TTLL5: variants seen among roughly 807,000 people sequenced by gnomAD.
The protein encoded by TTLL5 is tubulin tyrosine ligase like 5, also known as tubulin polyglutamylase TTLL5.
In TTLL5, 132 loss-of-function variants were observed where a neutral mutation model predicts 168.4. The observed-to-expected ratio is 0.78, with a 90% confidence interval of 0.68 to 0.91. TTLL5 has a LOEUF of 0.91. Ranked by LOEUF, TTLL5 falls within the 40% of genes least tolerant of loss-of-function variation. The probability of loss-of-function intolerance (pLI) is 0.00; values close to 1 mark genes in which losing one functional copy is unlikely to be tolerated. For missense variants in TTLL5, 1,545 were observed against 1,581.5 expected (o/e 0.98, Z 0.39); for synonymous variants, 546 against 558.6 (o/e 0.98, Z 0.32).
intron 4 of TTLL5, among the ~76,000 whole-genome samples, chr14:75,683,071 C>T (rs1566813039): frequency 6.6e-6 from 1 of 152,186 alleles, no homozygotes; most frequent in African/African-American, 2.4e-5. Flanking sequence ...CGCACTTGTC[C>T]GTGAGGGAAG....
At position 75,907,812 on chromosome 14, in the gene TTLL5, T is replaced by C. The variant is rs558872219; in HGVS notation, c.3823+5588T>C. 1.1e-4 allele frequency among the ~76,000 whole-genome samples: 17 copies of C among 152,310 alleles called. No individual in the cohort carries two copies. In the East Asian group the frequency reaches 3.1e-3, roughly 28 times the overall value. On this transcript the variant is annotated intron_variant, in intron 31 of 31. Coordinates refer to ENST00000298832, the MANE Select transcript of TTLL5 (RefSeq NM_015072.5). ...CCAATGATGAACAACTAATAAAATA[T>C]AGAAGACTAAAGCAAGAAGGTCAGT...
intron 31 of TTLL5, among the ~76,000 whole-genome samples, chr14:75,947,410 TACA>T (rs2034809506): frequency 6.6e-6 from 1 of 152,206 alleles, no homozygotes; most frequent in African/African-American, 2.4e-5. Context: ...AGAGGGTCAC[TACA>T]TTATGGCTAA....
chr14:75,728,863 T>C (rs537107205), intron 12 of TTLL5, among the ~76,000 whole-genome samples: 1 of 152,152 alleles, frequency 6.6e-6, no homozygotes, highest in South Asian at 2.1e-4. Context: ...AAGAGAGCAG[T>C]GTCCTAGAAC....
In TTLL5 at chr14:75,954,423, G is replaced by C; in HGVS notation, c.3824-1G>C. On this transcript the variant is annotated splice_acceptor_variant, in intron 31 of 31. Transcript: ENST00000298832. LOFTEE classifies it high-confidence loss of function. ...TTCATGGTTGCCTTTCTCTTTTTCA[G>C]ATCCTGCTCACACTAAAATATGAAC... 6.2e-7 allele frequency: 1 copy of C among 1,613,930 alleles called. No homozygotes were observed. The highest frequency in any genetic ancestry group is 8.5e-7 in the Non-Finnish European group (1 of 1,180,000).
chr14:75,893,817 C>CAA lies in TTLL5; in HGVS notation c.3741-8303_3741-8302dup, dbSNP rs61332109. On this transcript the variant is annotated intron_variant, in intron 30 of 31. Transcript: ENST00000298832. ...TGGGCAACAGAGCGAGACTCCATCT[C>CAA]AAAAAAAAAAAAAAAAAAAAAAATA... Among the ~76,000 whole-genome samples, 384 of 71,380 alleles carry CAA rather than the reference C, an allele frequency of 5.4e-3. 1 individual carries two copies. The highest frequency in any genetic ancestry group is 8.3e-3 in the Middle Eastern group (1 of 120). 46.8% of individuals were successfully genotyped at this position (71,380 alleles called of 152,430 possible).
intron 29 of TTLL5, 25 bp from the exon 30 acceptor site, chr14:75,882,660 C>T (rs1435060705): frequency 6.3e-7 from 1 of 1,592,994 alleles, no homozygotes; most frequent in African/African-American, 1.3e-5. Flanking sequence ...GTCCATCGAT[C>T]ATTTTTTTCC....
chr14:75,690,220 CT>C lies in TTLL5; in HGVS notation c.401del (p.Leu134ArgfsTer45), dbSNP rs587777470. The C allele has an allele frequency of 1.9e-6, 3 of 1,613,474 alleles. No homozygotes were observed. The South Asian group carries it at 3.3e-5, about 18-fold the overall frequency. ...RSYELTRKDR[L>X]YKNIIRMQHT... ...TTATGAACTTACCCGGAAGGACCGA[CT>C]GTACAAAAACATTATTCGAATGCAG... On this transcript the variant is annotated frameshift_variant, in exon 6 of 32. Transcript: ENST00000298832. LOFTEE classifies it high-confidence loss of function.
intron 28 of TTLL5, among the ~76,000 whole-genome samples, chr14:75,828,503 A>G (rs796898325): frequency 3.3e-4 from 50 of 152,292 alleles, no homozygotes; most frequent in African/African-American, 1.2e-3. Context: ...CATATACCAT[A>G]TGTGTTAATT....
At chr14:75,672,473 G>C (rs1332327311) in intron 3 of TTLL5, among the ~76,000 whole-genome samples, 1 of 151,890 alleles carries the variant, frequency 6.6e-6, no homozygotes, top group African/African-American at 2.4e-5. Context: ...TTGAACTCCT[G>C]ACCTCATGAT....
chr14:75,805,075 C>A (rs570890464), intron 27 of TTLL5, among the ~76,000 whole-genome samples: 1 of 152,230 alleles, frequency 6.6e-6, no homozygotes, highest in African/African-American at 2.4e-5. Context: ...CACCCCTACA[C>A]ACTTGCTCTT....
At chr14:75,734,553 T>C (rs1888766545) in intron 14 of TTLL5, among the ~76,000 whole-genome samples, 1 of 152,152 alleles carries the variant, frequency 6.6e-6, no homozygotes, top group African/African-American at 2.4e-5. Context: ...TTTTAGGTAC[T>C]ATAAAAAGAC....
chr14:75,884,990 G>A (rs551727604), intron 30 of TTLL5, among the ~76,000 whole-genome samples: 55 of 150,930 alleles, frequency 3.6e-4, no homozygotes, highest in African/African-American at 1.3e-3. Context: ...CCAACATGGT[G>A]AAACCCTGTC....
intron 31 of TTLL5, chr14:75,904,297 A>G: frequency 9.6e-7 from 1 of 1,039,566 alleles, no homozygotes; most frequent in Non-Finnish European, 1.2e-6. Context: ...ATTGTTATGA[A>G]CTGCGAAGTA....
intron 31 of TTLL5, among the ~76,000 whole-genome samples, chr14:75,905,277 A>G (rs2033097041): frequency 6.6e-6 from 1 of 152,230 alleles, no homozygotes; most frequent in Admixed American, 6.5e-5. Context: ...GTCCAAGACT[A>G]TAGCAGAAGT....
At chr14:75,899,709 AAC>A (rs1471474895) in intron 30 of TTLL5, among the ~76,000 whole-genome samples, 1 of 152,148 alleles carries the variant, frequency 6.6e-6, no homozygotes, top group African/African-American at 2.4e-5. Context: ...TGAAACTGGG[AAC>A]CAGGGACCAT....
chr14:75,793,960 A>G (rs1183557593), intron 27 of TTLL5, among the ~76,000 whole-genome samples: 2 of 152,210 alleles, frequency 1.3e-5, no homozygotes, highest in Admixed American at 1.3e-4. Context: ...AGTCTCGAAA[A>G]AAGTGAAGCT....
chr14:75,820,363 A>G (rs538773072), intron 28 of TTLL5, among the ~76,000 whole-genome samples: 1 of 152,234 alleles, frequency 6.6e-6, no homozygotes, highest in South Asian at 2.1e-4. Context: ...AATGAAAAGG[A>G]CATTTCTGAG....
chr14:75,743,755 G>A (rs1889422220), intron 15 of TTLL5, among the ~76,000 whole-genome samples: 1 of 151,650 alleles, frequency 6.6e-6, no homozygotes, highest in Non-Finnish European at 1.5e-5. Flanking sequence ...CTAATTTTTT[G>A]TATTTTTAGT....
chr14:75,851,182 A>C (rs1290680386), intron 28 of TTLL5, among the ~76,000 whole-genome samples: 1 of 152,060 alleles, frequency 6.6e-6, no homozygotes, highest in Non-Finnish European at 1.5e-5. Flanking sequence ...TAACATTATC[A>C]GATGAAAAAG....
Sources: allele counts gnomAD v4.1 joint callset (sites outside exome capture counted in the v4.1 genomes callset), GRCh38; gene constraint gnomAD v4.1.1; transcripts MANE v1.5; gene names NCBI Gene and HGNC (gene_info 2026-07-23, HGNC 2026-07-21).